The following MCF2L2 variants were observed in gnomAD, a reference collection of about 807,000 sequenced individuals.
MCF2L2 encodes MCF.2 cell line derived transforming sequence-like 2, also known as probable guanine nucleotide exchange factor MCF2L2.
In MCF2L2, 102 loss-of-function variants were observed where a neutral mutation model predicts 150.2. That is an observed-to-expected ratio of 0.68 (90% confidence interval 0.58 to 0.80). MCF2L2 has a LOEUF of 0.80. Among genes scored for constraint, MCF2L2 ranks in the 30% least tolerant of loss-of-function variants. MCF2L2 has a pLI of 0.00. For missense variants in MCF2L2, 1,256 were observed against 1,372.8 expected, an observed-to-expected ratio of 0.91 and a Z score of 1.34; for synonymous variants, 465 against 491.3, an observed-to-expected ratio of 0.95 and a Z score of 0.71.
intron 1 of MCF2L2, among the ~76,000 whole-genome samples, chr3:183,421,594 T>C (rs1407467702): frequency 6.6e-6 from 1 of 152,194 alleles, no homozygotes; most frequent in Non-Finnish European, 1.5e-5. Flanking sequence ...CCTTTGAACA[T>C]ATTTATTGCG....
intron 4 of MCF2L2, among the ~76,000 whole-genome samples, chr3:183,340,382 GC>G (rs1407718697): frequency 2.0e-5 from 3 of 152,042 alleles, no homozygotes; most frequent in Non-Finnish European, 4.4e-5. Context: ...AGTCCCAACT[GC>G]CCCAGAGGGC....
rs1469172001 is a variant in MCF2L2 at position 183,207,804 on chromosome 3, C to A, written c.2516G>T (p.Gly839Val). The change falls in exon 23 of 30, where the codon GGC becomes GTC. Residue 839 changes from glycine (G) to valine (V), a missense_variant. Transcript: ENST00000328913. ...GAAAGGGCCGTGCAGCAACAGCTTG[C>A]CTAGTTTTCCAATATCGTCCTTTTG... ...TECPDDIGKL[G>V]KLLLHGPFSV... 6.2e-7 allele frequency: 1 copy of A among 1,613,918 alleles called. No homozygotes were observed. Among genetic ancestry groups the A allele is most frequent in the Non-Finnish European group, 8.5e-7 (1 of 1,179,934 alleles).
chr3:183,269,731 T>C (rs1298556960), intron 15 of MCF2L2: 3 of 1,419,620 alleles, frequency 2.1e-6, no homozygotes, highest in African/African-American at 1.4e-5. Context: ...AAACACGAAG[T>C]TCTATGGTCT....
rs147748008 is a variant in MCF2L2 at position 183,206,792 on chromosome 3, C to T, written c.2713-578G>A. On this transcript the variant is annotated intron_variant, in intron 23 of 29. Coordinates refer to ENST00000328913, the MANE Select transcript of MCF2L2 (RefSeq NM_015078.4). ...AGGCTGAGGCAGAATTGCTTGAACC[C>T]GGGAGGTGGAGGTTGCAGTTAGCCA... Among the ~76,000 whole-genome samples, 747 of 152,096 alleles carry T rather than the reference C, an allele frequency of 4.9e-3. 5 individuals carry two copies. Among genetic ancestry groups the T allele is most frequent in the African/African-American group, 0.017 (721 of 41,482 alleles).
chr3:183,363,248 T>C (rs1031658407), intron 3 of MCF2L2, among the ~76,000 whole-genome samples: 3 of 152,202 alleles, frequency 2.0e-5, no homozygotes, highest in South Asian at 2.1e-4. Context: ...CTCACAAAAC[T>C]ACACATGCTC....
chr3:183,286,918 T>C (rs905278825), intron 14 of MCF2L2, among the ~76,000 whole-genome samples: 2 of 152,218 alleles, frequency 1.3e-5, no homozygotes, highest in African/African-American at 2.4e-5. Context: ...AGAAGGATGA[T>C]TGTAACATGG....
chr3:183,383,401 A>T (rs979937609), intron 2 of MCF2L2, among the ~76,000 whole-genome samples: 1 of 151,850 alleles, frequency 6.6e-6, no homozygotes. Flanking sequence ...CACCCGGCTA[A>T]TTTTGTATTT....
At chr3:183,327,542 T>A (rs1730101971) in intron 5 of MCF2L2, among the ~76,000 whole-genome samples, 1 of 152,196 alleles carries the variant, frequency 6.6e-6, no homozygotes, top group African/African-American at 2.4e-5. Context: ...TAGCCAAGAA[T>A]AATGATCTCG....
intron 1 of MCF2L2, among the ~76,000 whole-genome samples, chr3:183,421,902 A>G (rs1006358251): frequency 6.6e-6 from 1 of 152,170 alleles, no homozygotes; most frequent in Admixed American, 6.5e-5. Flanking sequence ...TCCTCAGACA[A>G]TGTTGCTTTG....
At chr3:183,403,997 A>G (rs1389280717) in intron 1 of MCF2L2, among the ~76,000 whole-genome samples, 1 of 152,208 alleles carries the variant, frequency 6.6e-6, no homozygotes, top group Non-Finnish European at 1.5e-5. Flanking sequence ...AAAACAACAA[A>G]ATAAAAGATC....
At chr3:183,352,246 G>A (rs1216711091) in intron 3 of MCF2L2, among the ~76,000 whole-genome samples, 2 of 152,122 alleles carry the variant, frequency 1.3e-5, no homozygotes, top group African/African-American at 4.8e-5. Context: ...GGTGAAGCCG[G>A]GCGTGGTGGC....
intron 21 of MCF2L2, among the ~76,000 whole-genome samples, chr3:183,216,569 TATATATATATA>T (rs200507345): frequency 0.21 from 1,275 of 5,996 alleles, 25 homozygotes; most frequent in South Asian, 0.28. Flanking sequence ...TATATATATA[TATATATATATA>T]TTTTTTTTTT....
intron 7 of MCF2L2, 70 bp downstream of exon 7, chr3:183,317,998 A>G: frequency 1.3e-6 from 2 of 1,559,344 alleles, no homozygotes; most frequent in African/African-American, 1.4e-5. Context: ...TTCTGCTTCC[A>G]GCTCTCTCCG....
chr3:183,238,941 G>A (rs1723872713), intron 15 of MCF2L2, among the ~76,000 whole-genome samples: 2 of 139,778 alleles, frequency 1.4e-5, no homozygotes, highest in East Asian at 2.1e-4. Flanking sequence ...AGCTTGCAGC[G>A]AGCCGAGATC....
chr3:183,424,075 G>A (rs1716039498), intron 1 of MCF2L2, among the ~76,000 whole-genome samples: 1 of 152,132 alleles, frequency 6.6e-6, no homozygotes, highest in African/African-American at 2.4e-5. Context: ...ATAAATAGCA[G>A]TACAGCAAAT....
chr3:183,265,483 A>C (rs1255948588), intron 15 of MCF2L2: 1 of 152,308 alleles, frequency 6.6e-6, no homozygotes, highest in Non-Finnish European at 1.5e-5. Flanking sequence ...GAGAAGCTTT[A>C]AGACGCCGAA....
intron 22 of MCF2L2, among the ~76,000 whole-genome samples, chr3:183,214,535 T>C (rs1722843785): frequency 6.6e-6 from 1 of 151,996 alleles, no homozygotes; most frequent in Non-Finnish European, 1.5e-5. Context: ...ATGGTTTGAT[T>C]TATGACAAGG....
At chr3:183,320,213 C>G (rs1405373120) in intron 6 of MCF2L2, among the ~76,000 whole-genome samples, 2 of 151,832 alleles carry the variant, frequency 1.3e-5, no homozygotes, top group Non-Finnish European at 1.5e-5. Context: ...CTGCCTCAGC[C>G]TCCTGAGTAG....
At chr3:183,194,537 G>A (rs1293262750) in intron 26 of MCF2L2, among the ~76,000 whole-genome samples, 2 of 152,156 alleles carry the variant, frequency 1.3e-5, no homozygotes, top group Non-Finnish European at 2.9e-5. Flanking sequence ...ACTCAGTAAA[G>A]TAGGAGGCAG....
Sources: allele counts gnomAD v4.1 joint callset (sites outside exome capture counted in the v4.1 genomes callset), GRCh38; gene constraint gnomAD v4.1.1; transcripts MANE v1.5; gene names NCBI Gene and HGNC (gene_info 2026-07-23, HGNC 2026-07-21).